TENM4: variants seen among roughly 807,000 people sequenced by gnomAD.
TENM4 encodes the protein teneurin-4.
TENM4 carries 82 observed loss-of-function variants against 243.3 expected under a neutral mutation model. That is an observed-to-expected ratio of 0.34 (90% CI 0.28 to 0.40). The LOEUF is 0.40. Ranked by LOEUF, TENM4 falls within the 10% of genes least tolerant of loss-of-function variation. The probability of loss-of-function intolerance (pLI) is 1.00; values close to 1 mark genes in which losing one functional copy is unlikely to be tolerated. For missense variants in TENM4, 3,138 were observed against 3,673.3 expected, an observed-to-expected ratio of 0.85 and a Z score of 3.77; for synonymous variants, 1,412 against 1,456.3, an observed-to-expected ratio of 0.97 and a Z score of 0.69.
intron 9 of TENM4, among the ~76,000 whole-genome samples, chr11:78,885,509 T>C (rs543845669): frequency 6.6e-6 from 1 of 152,380 alleles, no homozygotes; most frequent in African/African-American, 2.4e-5. Flanking sequence ...CCGCAGTCTC[T>C]GTTGGTGGTA....
intron 6 of TENM4, among the ~76,000 whole-genome samples, chr11:78,941,065 C>G (rs957113776): frequency 6.6e-6 from 1 of 152,212 alleles, no homozygotes; most frequent in Admixed American, 6.5e-5. Flanking sequence ...GCATGTCCCC[C>G]GCAAGCCAAT....
At chr11:79,288,863 A>G (rs891796936) in intron 2 of TENM4, among the ~76,000 whole-genome samples, 43 of 152,030 alleles carry the variant, frequency 2.8e-4, no homozygotes, top group African/African-American at 1.0e-3. Flanking sequence ...GGGTGAGATG[A>G]CAAGATAGTG....
intron 6 of TENM4, among the ~76,000 whole-genome samples, chr11:79,051,085 C>G (rs1859780014): frequency 6.6e-6 from 1 of 152,214 alleles, no homozygotes; most frequent in Admixed American, 6.5e-5. Flanking sequence ...CGATATCTAC[C>G]TCAAAGCTTG....
intron 4 of TENM4, among the ~76,000 whole-genome samples, chr11:79,143,767 T>A (rs1049560260): frequency 1.2e-4 from 18 of 151,670 alleles, no homozygotes; most frequent in African/African-American, 4.1e-4. Flanking sequence ...TGAAACTAGA[T>A]CCCTACCTCT....
At chr11:79,264,769 C>T (rs759394251) in intron 2 of TENM4, among the ~76,000 whole-genome samples, 11 of 152,190 alleles carry the variant, frequency 7.2e-5, no homozygotes, top group East Asian at 1.9e-4. Flanking sequence ...TCAGAATCTC[C>T]GACGGTGGGG....
chr11:79,298,191 A>T (rs1430101450), intron 1 of TENM4, among the ~76,000 whole-genome samples: 1 of 152,098 alleles, frequency 6.6e-6, no homozygotes, highest in Non-Finnish European at 1.5e-5. Context: ...GTGAGAAGTG[A>T]GCAACTTTTG....
intron 2 of TENM4, among the ~76,000 whole-genome samples, chr11:79,290,895 C>T (rs1040725782): frequency 1.2e-4 from 19 of 152,164 alleles, no homozygotes; most frequent in Non-Finnish European, 2.5e-4. Context: ...GAAAAGCTGG[C>T]ACATCCTGCT....
intron 26 of TENM4, among the ~76,000 whole-genome samples, chr11:78,712,265 A>G (rs1859414665): frequency 6.6e-6 from 1 of 152,228 alleles, no homozygotes; most frequent in African/African-American, 2.4e-5. Flanking sequence ...AGTAAACACT[A>G]CATACACACA....
At chr11:79,354,995 C>T (rs960828805) in intron 1 of TENM4, among the ~76,000 whole-genome samples, 8 of 152,150 alleles carry the variant, frequency 5.3e-5, no homozygotes, top group South Asian at 2.1e-4. Context: ...GGATCCCTAG[C>T]GGCTAACTGG....
chr11:79,369,172 G>C (rs966895146), intron 1 of TENM4, among the ~76,000 whole-genome samples: 1 of 152,032 alleles, frequency 6.6e-6, no homozygotes, highest in East Asian at 1.9e-4. Context: ...CCCTGCAGCT[G>C]GCAGGGCCAG....
At chr11:78,725,966 C>G in intron 23 of TENM4, 113 bp downstream of exon 23, 1 of 1,417,438 alleles carries the variant, frequency 7.1e-7, no homozygotes, top group Non-Finnish European at 9.6e-7. Flanking sequence ...GCTCTCTGAC[C>G]ACATAGGAGC....
chr11:79,297,295 A>G (rs541415549), intron 2 of TENM4, among the ~76,000 whole-genome samples, 193 bp downstream of exon 2: 1 of 152,294 alleles, frequency 6.6e-6, no homozygotes, highest in South Asian at 2.1e-4. Context: ...CTGGGAGCAA[A>G]CAGAAGCCAC....
At chr11:78,903,223 G>A (rs1279284925) in intron 7 of TENM4, 45 bp downstream of exon 7, 5 of 1,466,244 alleles carry the variant, frequency 3.4e-6, no homozygotes, top group South Asian at 1.4e-5. Context: ...TCCGGGCCCC[G>A]GGTGCCCACC....
intron 1 of TENM4, among the ~76,000 whole-genome samples, chr11:79,344,723 C>T (rs1292591578): frequency 6.6e-6 from 1 of 152,202 alleles, no homozygotes; most frequent in Non-Finnish European, 1.5e-5. Context: ...TCAGGAAAAA[C>T]CAGCAGTGCA....
intron 12 of TENM4, among the ~76,000 whole-genome samples, chr11:78,832,079 G>T (rs996135573): frequency 1.3e-5 from 2 of 152,192 alleles, no homozygotes; most frequent in African/African-American, 2.4e-5. Context: ...CTCACAGCTG[G>T]GTGGCTGCAG....
intron 6 of TENM4, among the ~76,000 whole-genome samples, chr11:78,919,897 G>A (rs1356400294): frequency 3.9e-5 from 6 of 152,028 alleles, no homozygotes; most frequent in Non-Finnish European, 8.8e-5. Flanking sequence ...CTGAAACACC[G>A]CGTCACTCTT....
At chr11:79,285,767 C>A (rs901855388) in intron 2 of TENM4, among the ~76,000 whole-genome samples, 4 of 149,138 alleles carry the variant, frequency 2.7e-5, no homozygotes, top group Non-Finnish European at 4.5e-5. Context: ...AAAAAAAAAA[C>A]AGACACAAAG....
At chr11:78,987,151 G>A (rs192386267) in intron 6 of TENM4, among the ~76,000 whole-genome samples, 5 of 152,070 alleles carry the variant, frequency 3.3e-5, no homozygotes, top group African/African-American at 7.2e-5. Context: ...GGGTACTTTC[G>A]TATTCTCAGT....
At chr11:78,785,638 G>A (rs58817879) in intron 16 of TENM4, among the ~76,000 whole-genome samples, 23,947 of 152,036 alleles carry the variant, frequency 0.16, 2,022 homozygotes, top group East Asian at 0.38. Flanking sequence ...TGCAGCTCTC[G>A]GCACGTTGTG....
Sources: gnomAD v4.1 joint callset for allele counts (sites outside exome capture counted in the v4.1 genomes callset) on GRCh38, gnomAD v4.1.1 for gene constraint, MANE v1.5 for transcripts, NCBI Gene and HGNC (gene_info 2026-07-23, HGNC 2026-07-21) for gene names.